Variants in PCSK5 observed in about 807,000 individuals in gnomAD.
The protein encoded by PCSK5 is proprotein convertase subtilisin/kexin type 5, also known as prohormone convertase 5.
In PCSK5, 129 loss-of-function variants were observed where a neutral mutation model predicts 233.2. The observed-to-expected ratio is 0.55, with a 90% CI of 0.48 to 0.64. The LOEUF (loss-of-function observed/expected upper bound fraction) is 0.64. Ranked by LOEUF, PCSK5 falls within the 30% of genes least tolerant of loss-of-function variation. The probability of loss-of-function intolerance (pLI) is 0.00; values close to 1 mark genes in which losing one functional copy is unlikely to be tolerated. For missense variants in PCSK5, 2,076 were observed against 2,430.1 expected, an observed-to-expected ratio of 0.85 and a Z score of 3.06; for synonymous variants, 825 against 879.2, an observed-to-expected ratio of 0.94 and a Z score of 1.09.
chr9:76,326,985 G>A (rs1384186066), intron 32 of PCSK5, among the ~76,000 whole-genome samples: 1 of 152,160 alleles, frequency 6.6e-6, no homozygotes, highest in Non-Finnish European at 1.5e-5. Flanking sequence ...AGAGATGGTC[G>A]GCCTGGTGCA....
chr9:76,265,727 A>G (rs1241804208), intron 24 of PCSK5, among the ~76,000 whole-genome samples: 1 of 152,196 alleles, frequency 6.6e-6, no homozygotes, highest in South Asian at 2.1e-4. Context: ...AAAGACCACA[A>G]GTATCCATCT....
At chr9:76,209,986 C>T (rs779731863) in intron 20 of PCSK5, among the ~76,000 whole-genome samples, 3 of 152,080 alleles carry the variant, frequency 2.0e-5, no homozygotes, top group Admixed American at 6.6e-5. Context: ...AGTGGGCACA[C>T]TTCAAATGGC....
intron 24 of PCSK5, among the ~76,000 whole-genome samples, chr9:76,253,275 G>C (rs925223528): frequency 1.3e-5 from 2 of 151,320 alleles, no homozygotes; most frequent in African/African-American, 4.9e-5. Flanking sequence ...GCCAAACTCA[G>C]AGCCAGCTTC....
intron 30 of PCSK5, among the ~76,000 whole-genome samples, chr9:76,320,291 A>T (rs1389433215): frequency 1.3e-5 from 2 of 151,584 alleles, no homozygotes; most frequent in African/African-American, 4.8e-5. Flanking sequence ...TTAGCCAGGC[A>T]TGGTGGCACG....
intron 37 of PCSK5, among the ~76,000 whole-genome samples, chr9:76,354,874 A>C (rs779099209): frequency 2.6e-5 from 4 of 152,146 alleles, no homozygotes; most frequent in Non-Finnish European, 4.4e-5. Flanking sequence ...TTATGAATTT[A>C]CTTTGTTCCT....
chr9:76,027,390 CT>C (rs1828473218), intron 5 of PCSK5, among the ~76,000 whole-genome samples: 1 of 151,908 alleles, frequency 6.6e-6, no homozygotes, highest in African/African-American at 2.4e-5. Flanking sequence ...TTATTTTGTT[CT>C]GTTAAATTCA....
intron 20 of PCSK5, among the ~76,000 whole-genome samples, chr9:76,201,635 A>AC (rs1338642351): frequency 3.9e-5 from 6 of 152,230 alleles, no homozygotes; most frequent in African/African-American, 1.4e-4. Flanking sequence ...CCAGGAGTAC[A>AC]CACTGTGGCT....
intron 20 of PCSK5, among the ~76,000 whole-genome samples, chr9:76,199,632 G>A (rs574719873): frequency 1.3e-5 from 2 of 152,184 alleles, no homozygotes; most frequent in Non-Finnish European, 1.5e-5. Context: ...GGTGGGGCGT[G>A]GAAGGGCAGC....
At chr9:75,931,124 A>G (rs1221168040) in intron 1 of PCSK5, among the ~76,000 whole-genome samples, 1 of 152,188 alleles carries the variant, frequency 6.6e-6, no homozygotes, top group Non-Finnish European at 1.5e-5. Flanking sequence ...TACTGTGTAA[A>G]GCCCTAGTGA....
chr9:75,961,974 A>G (rs1825373831), intron 2 of PCSK5, among the ~76,000 whole-genome samples: 1 of 152,188 alleles, frequency 6.6e-6, no homozygotes. Context: ...CACCATGGGC[A>G]GTAGGGATGG....
chr9:75,949,587 G>T (rs1824746688), intron 2 of PCSK5, among the ~76,000 whole-genome samples: 1 of 151,830 alleles, frequency 6.6e-6, no homozygotes, highest in Non-Finnish European at 1.5e-5. Context: ...GAGTGCAGTG[G>T]CACAATCTCA....
At chr9:76,120,668 A>G (rs558951957) in intron 9 of PCSK5, among the ~76,000 whole-genome samples, 2 of 139,442 alleles carry the variant, frequency 1.4e-5, no homozygotes, top group South Asian at 4.7e-4. Context: ...ACATTATATT[A>G]TAGCTGATTT....
At chr9:75,895,392 T>C (rs1825763921) in intron 1 of PCSK5, among the ~76,000 whole-genome samples, 1 of 152,208 alleles carries the variant, frequency 6.6e-6, no homozygotes. Flanking sequence ...TCCAAAGTTT[T>C]AGATAAGGAG....
intron 36 of PCSK5, among the ~76,000 whole-genome samples, chr9:76,351,891 C>A (rs1830177020): frequency 6.6e-6 from 1 of 152,200 alleles, no homozygotes; most frequent in Admixed American, 6.5e-5. Context: ...TGTCACTGGT[C>A]TACACCACTT....
At chr9:76,303,712 A>T (rs1828689003) in intron 28 of PCSK5, among the ~76,000 whole-genome samples, 1 of 152,168 alleles carries the variant, frequency 6.6e-6, no homozygotes, top group Non-Finnish European at 1.5e-5. Context: ...GTGATACTGC[A>T]GTTTTAAAAA....
At position 76,296,831 on chromosome 9, in the gene PCSK5, C is replaced by G; in HGVS notation, c.3489C>G (p.Ala1163=). The change falls in exon 27 of 38, where the codon GCC becomes GCG. Residue 1163 remains alanine (A), a synonymous_variant. Coordinates refer to ENST00000674117, the MANE Select transcript of PCSK5 (RefSeq NM_001372043.1). The stretch of plus-strand genomic sequence containing the variant: ...TGCTGCGTGGGATGTGCGTGCATGC[C>G]ACCAAGACCCAGGAGGAGGGCAAAT... The part of the protein sequence containing the change: ...LQLLRGMCVH[A]TKTQEEGKFW... The G allele has an allele frequency of 6.2e-7, 1 of 1,612,276 alleles. No individual in the cohort carries two copies.
intron 20 of PCSK5, among the ~76,000 whole-genome samples, chr9:76,218,287 TA>T (rs140696441): frequency 0.021 from 3,259 of 151,952 alleles, 50 homozygotes; most frequent in African/African-American, 0.046. Context: ...ATGCTAATAA[TA>T]AAAAAAAGAA....
chr9:76,122,402 TGTTA>T (rs1832676462), intron 9 of PCSK5, among the ~76,000 whole-genome samples: 3 of 152,178 alleles, frequency 2.0e-5, no homozygotes, highest in African/African-American at 4.8e-5. Context: ...TTTGATAGAC[TGTTA>T]TTTTCTAATG....
At position 75,978,869 on chromosome 9, in the gene PCSK5, C is replaced by CTTTTTTTTTTTTTTTTTTTTTTTTT. The variant is rs5898441; in HGVS notation, c.298-7253_298-7252insTTTTTTTTTTTTTTTTTTTTTTTTT. On this transcript the variant is annotated intron_variant, in intron 2 of 37. Transcript: ENST00000674117. ...TTTTAGGCTTTGTTTGAATGTTTCC[C>CTTTTTTTTTTTTTTTTTTTTTTTTT]TTTTTTTTTTCTTTTTTTCTGAGAT... Among the ~76,000 whole-genome samples, 5 of 128,044 alleles carry CTTTTTTTTTTTTTTTTTTTTTTTTT rather than the reference C, an allele frequency of 3.9e-5. 1 individual carries two copies. Among genetic ancestry groups the CTTTTTTTTTTTTTTTTTTTTTTTTT allele is most frequent in the Non-Finnish European group, 4.9e-5 (3 of 61,006 alleles). The allele number at this position is 128,044 out of a possible 152,430, so 84.0% of individuals were successfully genotyped here.
Sources: gnomAD v4.1 joint callset for allele counts (sites outside exome capture counted in the v4.1 genomes callset) on GRCh38, gnomAD v4.1.1 for gene constraint, MANE v1.5 for transcripts, NCBI Gene and HGNC (gene_info 2026-07-23, HGNC 2026-07-21) for gene names.